The following RBFOX1 variants were observed in gnomAD, a reference collection of about 807,000 sequenced individuals.
RBFOX1 encodes RNA binding protein fox-1 homolog 1.
A neutral mutation model predicts 57.7 loss-of-function variants in RBFOX1; 8 were observed. That is an observed-to-expected ratio of 0.14 (90% CI 0.08 to 0.25). The LOEUF (loss-of-function observed/expected upper bound fraction) is 0.25, where lower values mean the gene tolerates loss of function less well. Among genes scored for constraint, RBFOX1 ranks in the 10% least tolerant of loss-of-function variants. The pLI, the probability that RBFOX1 is intolerant of heterozygous loss-of-function variation, is 1.00. For missense variants in RBFOX1, 611 were observed against 548.5 expected, an observed-to-expected ratio of 1.11 and a Z score of -1.14; for synonymous variants, 326 against 222.4, an observed-to-expected ratio of 1.47 and a Z score of -4.15.
chr16:5,455,544 C>T (rs1320836140), intron 1 of RBFOX1, among the ~76,000 whole-genome samples: 1 of 152,182 alleles, frequency 6.6e-6, no homozygotes, highest in African/African-American at 2.4e-5. Context: ...TTCTTTCATT[C>T]TTACCTAAGG....
intron 2 of RBFOX1, among the ~76,000 whole-genome samples, chr16:6,630,709 A>G (rs2098374255): frequency 6.6e-6 from 1 of 152,172 alleles, no homozygotes; most frequent in Non-Finnish European, 1.5e-5. Flanking sequence ...TTTGTAGTCA[A>G]GTTTAAATTC....
intron 4 of RBFOX1, among the ~76,000 whole-genome samples, chr16:7,156,249 T>C (rs906619109): frequency 2.7e-5 from 4 of 146,904 alleles, no homozygotes; most frequent in Non-Finnish European, 4.5e-5. Context: ...CATATATATG[T>C]ATACATATGT....
chr16:6,005,394 C>T (rs946488303), intron 4 of RBFOX1, among the ~76,000 whole-genome samples: 6 of 152,200 alleles, frequency 3.9e-5, no homozygotes, highest in Non-Finnish European at 8.8e-5. Flanking sequence ...CAGGCACCTG[C>T]TAGAGCTGGG....
intron 4 of RBFOX1, among the ~76,000 whole-genome samples, chr16:7,451,604 A>G (rs59109852): frequency 0.028 from 4,302 of 152,206 alleles, 196 homozygotes; most frequent in African/African-American, 0.098. Context: ...GTGAGTTGCA[A>G]ATATTCTTAG....
chr16:5,645,469 T>C (rs1224160650), intron 3 of RBFOX1, among the ~76,000 whole-genome samples: 3 of 152,194 alleles, frequency 2.0e-5, no homozygotes, highest in Admixed American at 2.0e-4. Context: ...GGATGTGATG[T>C]TTGCACACAG....
intron 4 of RBFOX1, among the ~76,000 whole-genome samples, chr16:5,969,185 T>C (rs2059910290): frequency 6.6e-6 from 1 of 152,252 alleles, no homozygotes; most frequent in East Asian, 1.9e-4. Context: ...TGATCTTATT[T>C]TTGACAATGC....
At chr16:5,629,317 C>T (rs1567319357) in intron 3 of RBFOX1, among the ~76,000 whole-genome samples, 2 of 152,174 alleles carry the variant, frequency 1.3e-5, no homozygotes, top group African/African-American at 4.8e-5. Context: ...AGGTGCTAGT[C>T]GCTCAGAATG....
At chr16:5,276,045 C>A (rs1233890703) in intron 1 of RBFOX1, among the ~76,000 whole-genome samples, 1 of 152,140 alleles carries the variant, frequency 6.6e-6, no homozygotes, top group Non-Finnish European at 1.5e-5. Flanking sequence ...CAAGATGGAT[C>A]AAAGACTTAA....
intron 4 of RBFOX1, among the ~76,000 whole-genome samples, chr16:7,129,908 T>C (rs1416285724): frequency 2.0e-5 from 3 of 152,162 alleles, no homozygotes; most frequent in South Asian, 2.1e-4. Context: ...CTCTAGATGA[T>C]AAGTGGAACC....
At chr16:7,428,884 A>G (rs1039306838) in intron 4 of RBFOX1, among the ~76,000 whole-genome samples, 2 of 152,186 alleles carry the variant, frequency 1.3e-5, no homozygotes, top group South Asian at 2.1e-4. Flanking sequence ...AGCAGCAGCA[A>G]CAGTAGTAGT....
intron 1 of RBFOX1, among the ~76,000 whole-genome samples, chr16:6,201,367 G>A (rs1582310): frequency 0.27 from 41,002 of 151,930 alleles, 6,233 homozygotes; most frequent in African/African-American, 0.4. Flanking sequence ...TTAGTTTTCC[G>A]AGGAACCTCC....
chr16:7,553,912 G>A (rs1371173788), intron 5 of RBFOX1, among the ~76,000 whole-genome samples: 2 of 152,212 alleles, frequency 1.3e-5, no homozygotes, highest in Non-Finnish European at 2.9e-5. Flanking sequence ...CTGCTTAAAA[G>A]CCATTAGTGT....
At chr16:7,364,544 T>A (rs1190964128) in intron 4 of RBFOX1, among the ~76,000 whole-genome samples, 2 of 141,824 alleles carry the variant, frequency 1.4e-5, no homozygotes, top group Non-Finnish European at 3.0e-5. Flanking sequence ...ATTGGGAGGA[T>A]ATTGAGTAGC....
intron 4 of RBFOX1, among the ~76,000 whole-genome samples, chr16:7,171,754 A>G (rs191766555): frequency 1.4e-4 from 21 of 152,320 alleles, no homozygotes; most frequent in African/African-American, 3.8e-4. Context: ...CTCATTATCA[A>G]TCTGTCTCCA....
intron 3 of RBFOX1, among the ~76,000 whole-genome samples, chr16:6,848,266 C>A (rs944666406): frequency 6.6e-6 from 1 of 152,096 alleles, no homozygotes; most frequent in African/African-American, 2.4e-5. Context: ...ACAGCTGCAG[C>A]TGATTGTGAC....
chr16:5,418,629 C>T (rs1476040721), intron 1 of RBFOX1, among the ~76,000 whole-genome samples: 1 of 151,952 alleles, frequency 6.6e-6, no homozygotes, highest in East Asian at 1.9e-4. Context: ...TCCTAACCAC[C>T]CCGCCATACC....
chr16:6,135,758 A>C (rs1414474631), intron 1 of RBFOX1, among the ~76,000 whole-genome samples: 1 of 149,380 alleles, frequency 6.7e-6, no homozygotes, highest in Non-Finnish European at 1.5e-5. Context: ...GTGGCAGGGG[A>C]ATTCCTGGAG....
chr16:5,849,568 C>T (rs1378284664), intron 3 of RBFOX1, among the ~76,000 whole-genome samples: 1 of 152,088 alleles, frequency 6.6e-6, no homozygotes, highest in African/African-American at 2.4e-5. Context: ...ACATGGTTCT[C>T]AAGTCTTGGT....
At chr16:6,055,720 T>G (rs1392952447) in intron 1 of RBFOX1, among the ~76,000 whole-genome samples, 1 of 151,796 alleles carries the variant, frequency 6.6e-6, no homozygotes. Context: ...TGTGAAGACT[T>G]CAGAAGGAGC....
Sources: allele counts gnomAD v4.1 joint callset (sites outside exome capture counted in the v4.1 genomes callset), GRCh38; gene constraint gnomAD v4.1.1; transcripts MANE v1.5; gene names NCBI Gene and HGNC (gene_info 2026-07-23, HGNC 2026-07-21).